Variants in PLPPR3 observed in about 807,000 individuals in gnomAD.
PLPPR3 encodes the protein phospholipid phosphatase-related protein type 3.
Under a neutral mutation model 27.3 loss-of-function variants are expected in PLPPR3, and 14 were observed. That is an observed-to-expected ratio of 0.51 (90% CI 0.34 to 0.80). PLPPR3 has a LOEUF of 0.80. PLPPR3 is among the 30% of genes least tolerant of loss of function. The pLI, the probability that PLPPR3 is intolerant of heterozygous loss-of-function variation, is 0.01. For synonymous variants in PLPPR3, 671 were observed against 508.0 expected (o/e 1.32, Z -4.32); for missense variants, 1,287 against 1,056.9 (o/e 1.22, Z -3.02).
Position 813,485 on chromosome 19 carries a change from C to T in PLPPR3, c.1242G>A (p.Lys414=), listed in dbSNP as rs1363705614. Reference sequence around the variant, plus strand: ...GCCCCAGGCCGCGGCCCTCCAGGCTCTTCTGCTTCCACTCGCTGATGAGCT... The same window carrying T: ...GCCCCAGGCCGCGGCCCTCCAGGCTTTTCTGCTTCCACTCGCTGATGAGCT... ...SKQLISEWKQ[K]SLEGRGLGLP... The change falls in exon 8 of 8, where the codon AAG becomes AAA. Residue 414 remains lysine, a synonymous_variant. Transcript: ENST00000520876. This position sits in a 1 kb window ranked among gnomAD's most constrained non-coding sequence, Gnocchi z 4.1. 4 of 1,547,962 alleles carry T rather than the reference C, an allele frequency of 2.6e-6. No individual in the cohort carries two copies. Among genetic ancestry groups the T allele is most frequent in the Middle Eastern group, 1.8e-4 (1 of 5,706 alleles).
At chr19:815,989 C>G in intron 2 of PLPPR3, 138 bp from the exon 3 acceptor site, 1 of 807,568 alleles carries the variant, frequency 1.2e-6, no homozygotes. Context: ...CTCTTTCCCC[C>G]ATGAGTTATT....
chr19:812,648 C>A lies in PLPPR3; in HGVS notation c.2079G>T (p.Leu693=). Residue 693 remains leucine (L), a synonymous_variant, in exon 8 of 8, where the codon CTG becomes CTT. Coordinates refer to ENST00000520876, the MANE Select transcript of PLPPR3 (RefSeq NM_001270366.2). ...ESTLRRHAGG[L]GLAEREAEAE... ...CCTCCGCCTCGCGCTCCGCCAGCCC[C>A]AGGCCGCCCGCGTGGCGCCGCAGCG... is the stretch of plus-strand genomic sequence containing the variant. 1 of 1,086,058 alleles carries A rather than the reference C, an allele frequency of 9.2e-7. No individual in the cohort carries two copies. Among genetic ancestry groups the A allele is most frequent in the Non-Finnish European group, 1.1e-6 (1 of 889,288 alleles). 67.3% of individuals were successfully genotyped at this position (1,086,058 alleles called of 1,614,324 possible). A position where few individuals can be genotyped will look rare whatever the true frequency, so the allele number is the denominator to read the frequency against.
chr19:819,254 G>A (rs1251381290), intron 2 of PLPPR3, among the ~76,000 whole-genome samples: 1 of 99,338 alleles, frequency 1.0e-5, no homozygotes, highest in Non-Finnish European at 1.9e-5. Context: ...TGGGATGACA[G>A]GCGTGAGCCA....
chr19:812,560 C>T lies in PLPPR3; in HGVS notation c.*10G>A. Reference sequence around the variant, plus strand: ...CGGCCCGCCCCCCGCCCGCCCCCGGCCCCGCCGCGCTAGTCGGGGAAGCGG... The same window carrying T: ...CGGCCCGCCCCCCGCCCGCCCCCGGTCCCGCCGCGCTAGTCGGGGAAGCGG... On this transcript the variant is annotated 3_prime_UTR_variant, in exon 8 of 8. Coordinates refer to ENST00000520876, the MANE Select transcript of PLPPR3 (RefSeq NM_001270366.2). 1.0e-6 allele frequency: 1 copy of T among 1,004,412 alleles called. No homozygotes were observed. Among genetic ancestry groups the T allele is most frequent in the Non-Finnish European group, 1.2e-6 (1 of 842,054 alleles). The allele number at this position is 1,004,412 out of a possible 1,614,324, so 62.2% of individuals were successfully genotyped here. A position where few individuals can be genotyped will look rare whatever the true frequency, so the allele number is the denominator to read the frequency against.
Position 812,502 on chromosome 19 carries a change from TTTA to T in PLPPR3, c.*65_*67del. The T allele has an allele frequency of 2.0e-6, 2 of 983,126 alleles. No individual in the cohort carries two copies. Among genetic ancestry groups the T allele is most frequent in the South Asian group, 4.6e-5 (1 of 21,954 alleles). The allele number at this position is 983,126 out of a possible 1,614,324, so 60.9% of individuals were successfully genotyped here. On this transcript the variant is annotated 3_prime_UTR_variant, in exon 8 of 8. Transcript: ENST00000520876. Reference sequence around the variant, plus strand: ...AGAGCCGGACCTCGGTTTCTGCCGCTTTATTGAGCATCCGCGCGGCCGCCCGCG... The same window carrying T: ...AGAGCCGGACCTCGGTTTCTGCCGCTTTGAGCATCCGCGCGGCCGCCCGCG...
chr19:813,362 CTCCTCCTCCTCTTCCTCT>C lies in PLPPR3; in HGVS notation c.1347_1364del (p.Glu454_Glu459del). 1 of 1,479,786 alleles carries C rather than the reference CTCCTCCTCCTCTTCCTCT, an allele frequency of 6.8e-7. No homozygotes were observed. The highest frequency in any genetic ancestry group is 8.9e-7 in the Non-Finnish European group (1 of 1,122,728). The allele number at this position is 1,479,786 out of a possible 1,614,324, so 91.7% of individuals were successfully genotyped here. A position where few individuals can be genotyped will look rare whatever the true frequency, so the allele number is the denominator to read the frequency against. ...CCGGGCCCTCGTCCTCCTCCTCTTC[CTCCTCCTCCTCTTCCTCT>C]TCGTCCTCCTCCTCTTCCTCCTCCT... On this transcript the variant is annotated inframe_deletion, in exon 8 of 8. Transcript: ENST00000520876. The surrounding 1 kb of genome is among the most constrained non-coding windows in gnomAD (Gnocchi z 4.1).
rs541604940 is a variant in PLPPR3 at position 813,251 on chromosome 19, C to T, written c.1476G>A (p.Pro492=). 458 of 1,474,294 alleles carry T rather than the reference C, an allele frequency of 3.1e-4. 1 individual carries two copies. The African/African-American group carries it at 5.8e-3, about 19-fold the overall frequency. 91.3% of individuals were successfully genotyped at this position (1,474,294 alleles called of 1,614,324 possible). A position where few individuals can be genotyped will look rare whatever the true frequency, so the allele number is the denominator to read the frequency against. ...CGCCCTCCTCCGGGATGTGCACCAG[C>T]GGCGGCGGCCCCGCGCGCGGTGGGA... ...VILPPRAGPP[P]LVHIPEEGAQ... is the part of the protein sequence containing the mutation. The change falls in exon 8 of 8, where the codon CCG becomes CCA. Residue 492 remains proline (P), a synonymous_variant. Transcript: ENST00000520876. This position sits in a 1 kb window ranked among gnomAD's most constrained non-coding sequence, Gnocchi z 4.1.
upstream of PLPPR3, among the ~76,000 whole-genome samples, chr19:823,110 A>G (rs2035172771): frequency 2.1e-5 from 3 of 141,670 alleles, no homozygotes; most frequent in Admixed American, 2.2e-4. Context: ...CAAGAGCGAG[A>G]CTCTGTCTCA....
Position 812,930 on chromosome 19 carries a change from G to A in PLPPR3, c.1797C>T (p.Gly599=). 4 of 1,342,644 alleles carry A rather than the reference G, an allele frequency of 3.0e-6. No individual in the cohort carries two copies. The highest frequency in any genetic ancestry group is 3.8e-6 in the Non-Finnish European group (4 of 1,045,494). 83.2% of individuals were successfully genotyped at this position (1,342,644 alleles called of 1,614,324 possible). A position where few individuals can be genotyped will look rare whatever the true frequency, so the allele number is the denominator to read the frequency against. The change falls in exon 8 of 8, where the codon GGC becomes GGT. Residue 599 remains glycine, a synonymous_variant. Transcript: ENST00000520876. Reference sequence around the variant, plus strand: ...CCGCCGCCTTCCACTCCCAGGGCGCGCCGCCGGCCGACAGGTGCACCACGG... The same window carrying A: ...CCGCCGCCTTCCACTCCCAGGGCGCACCGCCGGCCGACAGGTGCACCACGG... ...HHPVVHLSAG[G]APWEWKAAGG... is the part of the protein sequence containing the mutation.
At position 813,675 on chromosome 19, in the gene PLPPR3, C is replaced by T. The variant is rs1382609553; in HGVS notation, c.1052G>A (p.Arg351His). ...CAGCAGGTCCACGTCCACGCTGGCG[C>T]GCTTCAGGCTGCCCAGCGAGGTCTT... ...REKTSLGSLKRASVDVDLLAP... is the reference protein window; with the variant it reads ...REKTSLGSLKHASVDVDLLAP... The change falls in exon 8 of 8, where the codon CGC (arginine) becomes CAC (histidine). Residue 351 changes from arginine to histidine, a missense_variant. Coordinates refer to ENST00000520876, the MANE Select transcript of PLPPR3 (RefSeq NM_001270366.2). The surrounding 1 kb of genome is among the most constrained non-coding windows in gnomAD (Gnocchi z 4.1). 3 of 1,533,544 alleles carry T rather than the reference C, an allele frequency of 2.0e-6. No individual in the cohort carries two copies. The highest frequency in any genetic ancestry group is 1.4e-5 in the African/African-American group (1 of 72,644). 95.0% of individuals were successfully genotyped at this position (1,533,544 alleles called of 1,614,324 possible).
In PLPPR3 at chr19:819,598, G is replaced by A. The variant is rs186652759; in HGVS notation, c.75+1887C>T. Among the ~76,000 whole-genome samples the A allele has an allele frequency of 6.1e-4, 93 of 152,138 alleles. 2 individuals are homozygous for A. In the East Asian group the frequency reaches 0.017, roughly 29 times the overall value. On this transcript the variant is annotated intron_variant, in intron 2 of 7. Coordinates refer to ENST00000520876, the MANE Select transcript of PLPPR3 (RefSeq NM_001270366.2). ...AGCCACCATGCCCGTCCTGCAACAG[G>A]AATTTAAGTGCAATTTCGAAAAATA...
intron 2 of PLPPR3, 140 bp downstream of exon 2, chr19:821,344 TC>T: frequency 2.2e-6 from 1 of 452,246 alleles, no homozygotes; most frequent in Non-Finnish European, 3.7e-6. Flanking sequence ...CCACCCCCCA[TC>T]CGCCGGACAC....
At chr19:814,806 C>G in intron 5 of PLPPR3, 57 bp from the exon 6 acceptor site, 1 of 1,563,300 alleles carries the variant, frequency 6.4e-7, no homozygotes, top group East Asian at 2.2e-5. Context: ...CTCCAGTGGC[C>G]TCTCTGTGTC....
chr19:822,402 G>T (rs1463752825), upstream of PLPPR3, among the ~76,000 whole-genome samples: 3 of 151,978 alleles, frequency 2.0e-5, no homozygotes, highest in African/African-American at 4.8e-5. Flanking sequence ...GCCCCTCCGC[G>T]GAGCCCGCCG....
In PLPPR3 at chr19:815,439, ACCG is replaced by A. The variant is rs993851356; in HGVS notation, c.262-115_262-113del. ...GGCACAGGCCCCGGTGTGGATGTTC[ACCG>A]AGGTGGCGGGGGTGGGCTCCCAGCC... On this transcript the variant is annotated intron_variant, in intron 3 of 7. Transcript: ENST00000520876. 8.0e-6 allele frequency: 10 copies of A among 1,244,706 alleles called. No individual in the cohort carries two copies. The African/African-American group carries it at 2.3e-4, about 29-fold the overall frequency. The allele number at this position is 1,244,706 out of a possible 1,614,324, so 77.1% of individuals were successfully genotyped here.
At chr19:822,145 G>T (rs1480408604), upstream of PLPPR3, among the ~76,000 whole-genome samples, 1 of 151,878 alleles carries the variant, frequency 6.6e-6, no homozygotes, top group Non-Finnish European at 1.5e-5. Flanking sequence ...CCACCGCCGG[G>T]GGTCTCGGGG....
rs373010079 is a variant in PLPPR3 at position 815,271 on chromosome 19, G to T, written c.318C>A (p.Ala106=). The T allele has an allele frequency of 1.3e-6, 2 of 1,558,968 alleles. No homozygotes were observed. Among genetic ancestry groups the T allele is most frequent in the African/African-American group, 2.7e-5 (2 of 73,254 alleles). ...YCLQSRLWGR[A]GGPAGAEGSI... is the part of the protein sequence containing the mutation. ...TGCCCTCCGCCCCGGCGGGCCCCCCGGCACGGCCCCACAGCCGGGACTGCA... is the reference window on the plus strand; with the variant it reads ...TGCCCTCCGCCCCGGCGGGCCCCCCTGCACGGCCCCACAGCCGGGACTGCA... The change falls in exon 4 of 8, where the codon GCC becomes GCA. Residue 106 remains alanine (A), a synonymous_variant. Transcript: ENST00000520876.
intron 2 of PLPPR3, 104 bp downstream of exon 2, chr19:821,381 A>G (rs1374909041): frequency 2.2e-6 from 2 of 896,502 alleles, no homozygotes; most frequent in African/African-American, 1.9e-5. Context: ...CCCCGAGGCC[A>G]CTGCCGGGGC....
In PLPPR3 at chr19:814,576, G is replaced by T; in HGVS notation, c.689C>A (p.Thr230Asn). ...GACCAGGATGGGCTTCAGCAGCTTG[G>T]TGGTGTCCGAGATGACCGAGTTGAA... ...MYFNSVISDTTKLLKPILVFA... is the reference protein window; with the variant it reads ...MYFNSVISDTNKLLKPILVFA... The change falls in exon 7 of 8, where the codon ACC (threonine) becomes AAC (asparagine). Residue 230 changes from threonine (T) to asparagine (N), a missense_variant. By Grantham distance (65) the Thr-to-Asn change is moderately conservative. Coordinates refer to ENST00000520876, the MANE Select transcript of PLPPR3 (RefSeq NM_001270366.2). 6.2e-7 allele frequency: 1 copy of T among 1,612,236 alleles called. No individual in the cohort carries two copies.
Sources: gnomAD v4.1 joint callset for allele counts (sites outside exome capture counted in the v4.1 genomes callset) on GRCh38, gnomAD v4.1.1 for gene constraint, Gnocchi (gnomAD v3.1) non-coding constraint, MANE v1.5 for transcripts, NCBI Gene and HGNC (gene_info 2026-07-23, HGNC 2026-07-21) for gene names.